Variants in PPARGC1A observed in about 807,000 individuals in gnomAD.
PPARGC1A encodes the protein PPARG coactivator 1 alpha.
PPARGC1A carries 25 observed loss-of-function variants against 88.7 expected under a neutral mutation model. That is an observed-to-expected ratio of 0.28 (90% CI 0.21 to 0.39). PPARGC1A has a LOEUF of 0.39. Ranked by LOEUF, PPARGC1A falls within the 10% of genes least tolerant of loss-of-function variation. The probability of loss-of-function intolerance (pLI) is 1.00; values close to 1 mark genes in which losing one functional copy is unlikely to be tolerated. For synonymous variants in PPARGC1A, 363 were observed against 355.6 expected, an observed-to-expected ratio of 1.02 and a Z score of -0.24; for missense variants, 880 against 968.7, an observed-to-expected ratio of 0.91 and a Z score of 1.22.
chr4:24,259,093 GA>G, the PPARGC1A span, among the ~76,000 whole-genome samples: 1 of 152,128 alleles, frequency 6.6e-6, no homozygotes, highest in Non-Finnish European at 1.5e-5. Context: ...ACCAATCCCA[GA>G]AAGATGGCAC....
At chr4:24,219,907 A>C in the PPARGC1A span, among the ~76,000 whole-genome samples, 2 of 152,322 alleles carry the variant, frequency 1.3e-5, no homozygotes, top group African/African-American at 2.4e-5. Flanking sequence ...AGTAAAGAGA[A>C]GTGATTTCTC....
chr4:23,806,720 G>C (rs1719875386), intron 10 of PPARGC1A, among the ~76,000 whole-genome samples: 1 of 152,100 alleles, frequency 6.6e-6, no homozygotes, highest in Admixed American at 6.5e-5. Flanking sequence ...AAAGAAACAA[G>C]AAACTGACTG....
rs1721443627 is a variant in PPARGC1A, at chr4:23,813,973, C to T, written c.1510G>A (p.Gly504Arg). 6.2e-7 allele frequency: 1 copy of T among 1,614,090 alleles called. No homozygotes were observed. Among genetic ancestry groups the T allele is most frequent in the Non-Finnish European group, 8.5e-7 (1 of 1,179,988 alleles). The change falls in exon 8 of 13, where the codon GGA (glycine) becomes AGA (arginine). Residue 504 changes from glycine (G) to arginine (R), a missense_variant. By Grantham distance (125) the Gly-to-Arg change is moderately radical. Transcript: ENST00000264867. The stretch of plus-strand genomic sequence containing the variant: ...TCAAACAGGCCATCCATGGCTAGTC[C>T]TGAATTTATAAACATAGGTAGTTTG... The part of the protein sequence containing the change: ...FSKLPMFINS[G>R]LAMDGLFDDS...
the PPARGC1A span, among the ~76,000 whole-genome samples, chr4:23,975,383 C>T: frequency 1.1e-4 from 16 of 151,398 alleles, no homozygotes; most frequent in East Asian, 3.1e-3. Flanking sequence ...TGGAAGGTTT[C>T]TAGAGTCTCT....
the PPARGC1A span, among the ~76,000 whole-genome samples, chr4:24,374,750 G>A: frequency 6.6e-6 from 1 of 152,054 alleles, no homozygotes; most frequent in Non-Finnish European, 1.5e-5. Context: ...ACAAGTGTTG[G>A]CAAGGATGTG....
the PPARGC1A span, among the ~76,000 whole-genome samples, chr4:23,943,074 T>C: frequency 2.0e-5 from 3 of 152,152 alleles, no homozygotes; most frequent in Non-Finnish European, 4.4e-5. Context: ...TCTTTGGGAG[T>C]TGGGACTATT....
At chr4:23,982,378 A>C in the PPARGC1A span, among the ~76,000 whole-genome samples, 1 of 152,134 alleles carries the variant, frequency 6.6e-6, no homozygotes, top group African/African-American at 2.4e-5. Context: ...TCATGGTGGC[A>C]TTCCAGCCAG....
the PPARGC1A span, among the ~76,000 whole-genome samples, chr4:24,266,734 G>T: frequency 4.3e-3 from 656 of 152,262 alleles, 7 homozygotes; most frequent in African/African-American, 0.015. Flanking sequence ...CAAAGATCCT[G>T]CAGGGAAGGA....
the PPARGC1A span, among the ~76,000 whole-genome samples, chr4:24,075,964 C>T: frequency 6.6e-6 from 1 of 152,174 alleles, no homozygotes; most frequent in South Asian, 2.1e-4. Flanking sequence ...TTTACACCAC[C>T]TTGACTAGTT....
chr4:23,816,518 T>C (rs1722013548), intron 7 of PPARGC1A, among the ~76,000 whole-genome samples: 1 of 150,960 alleles, frequency 6.6e-6, no homozygotes, highest in African/African-American at 2.4e-5. Flanking sequence ...TACCTTCAAT[T>C]ACCACTTGCA....
At chr4:24,135,642 G>A in the PPARGC1A span, among the ~76,000 whole-genome samples, 1 of 152,076 alleles carries the variant, frequency 6.6e-6, no homozygotes, top group African/African-American at 2.4e-5. Context: ...CCTCCTTCTA[G>A]CCCAGCCCAC....
the PPARGC1A span, among the ~76,000 whole-genome samples, chr4:24,098,759 T>C: frequency 6.6e-6 from 1 of 152,194 alleles, no homozygotes; most frequent in African/African-American, 2.4e-5. Flanking sequence ...AAGGATTTAG[T>C]AGACATTTAT....
At chr4:24,135,298 C>T in the PPARGC1A span, among the ~76,000 whole-genome samples, 2 of 152,226 alleles carry the variant, frequency 1.3e-5, no homozygotes, top group East Asian at 1.9e-4. Context: ...ATAAAATGCT[C>T]TCCAAGATTT....
the PPARGC1A span, among the ~76,000 whole-genome samples, chr4:24,305,192 C>T: frequency 4.0e-4 from 59 of 148,478 alleles, 1 homozygote; most frequent in South Asian, 3.4e-3. Flanking sequence ...TATTTATATA[C>T]TCCCAAAGTC....
chr4:24,287,410 C>A, the PPARGC1A span, among the ~76,000 whole-genome samples: 4 of 152,044 alleles, frequency 2.6e-5, no homozygotes, highest in African/African-American at 9.7e-5. Context: ...AATGTTTAAG[C>A]CACTTAATAT....
intron 10 of PPARGC1A, among the ~76,000 whole-genome samples, chr4:23,802,926 G>A (rs867435228): frequency 6.6e-6 from 1 of 152,032 alleles, no homozygotes; most frequent in Non-Finnish European, 1.5e-5. Context: ...ACTCTCAGAT[G>A]AACTTGATGT....
At chr4:24,233,021 G>A in the PPARGC1A span, among the ~76,000 whole-genome samples, 1 of 152,006 alleles carries the variant, frequency 6.6e-6, no homozygotes, top group African/African-American at 2.4e-5. Flanking sequence ...TCCACACAAG[G>A]ATCCCAAGGC....
the PPARGC1A span, among the ~76,000 whole-genome samples, chr4:24,088,671 T>C: frequency 5.3e-5 from 8 of 152,300 alleles, no homozygotes; most frequent in African/African-American, 1.9e-4. Flanking sequence ...GTTAAAAAAA[T>C]AAACTATTAA....
intron 2 of PPARGC1A, among the ~76,000 whole-genome samples, chr4:23,855,726 A>G (rs1033476094): frequency 1.3e-5 from 2 of 152,166 alleles, no homozygotes; most frequent in South Asian, 4.1e-4. Context: ...AGAAACAGGC[A>G]GATTGAGAAA....
Sources: gnomAD v4.1 joint callset for allele counts (sites outside exome capture counted in the v4.1 genomes callset) on GRCh38, gnomAD v4.1.1 for gene constraint, MANE v1.5 for transcripts, NCBI Gene and HGNC (gene_info 2026-07-23, HGNC 2026-07-21) for gene names.